PTPRD: variants seen among roughly 807,000 people sequenced by gnomAD.
The protein encoded by PTPRD is protein tyrosine phosphatase receptor type D.
A neutral mutation model predicts 214.5 loss-of-function variants in PTPRD; 34 were observed. The ratio of observed to expected loss-of-function variants is 0.16; its 90% CI spans 0.12 to 0.21. The LOEUF (loss-of-function observed/expected upper bound fraction) is 0.21, where lower values mean the gene tolerates loss of function less well. Ranked by LOEUF, PTPRD falls within the 10% of genes least tolerant of loss-of-function variation. PTPRD has a pLI of 1.00. For missense variants in PTPRD, 2,545 were observed against 2,398.7 expected (o/e 1.06, Z -1.27); for synonymous variants, 1,128 against 845.7 (o/e 1.33, Z -5.79).
intron 8 of PTPRD, among the ~76,000 whole-genome samples, chr9:9,447,201 A>G (rs1190333746): frequency 6.6e-6 from 1 of 152,176 alleles, no homozygotes; most frequent in Admixed American, 6.5e-5. Flanking sequence ...TTCTATCATA[A>G]TGACACATGC....
chr9:10,563,167 G>A (rs1411485431), intron 2 of PTPRD, among the ~76,000 whole-genome samples: 1 of 152,120 alleles, frequency 6.6e-6, no homozygotes, highest in Non-Finnish European at 1.5e-5. Context: ...CAGCATTCCT[G>A]ACTGTCAGCA....
intron 8 of PTPRD, among the ~76,000 whole-genome samples, chr9:9,420,270 T>C (rs2078294550): frequency 6.6e-6 from 1 of 151,842 alleles, no homozygotes; most frequent in Admixed American, 6.6e-5. Flanking sequence ...ACTATTTTAG[T>C]TTTCACAAGA....
At chr9:9,728,806 A>G (rs556153763) in intron 7 of PTPRD, among the ~76,000 whole-genome samples, 1 of 152,274 alleles carries the variant, frequency 6.6e-6, no homozygotes, top group East Asian at 1.9e-4. Context: ...AAAGTAGACC[A>G]TTTTGAGTGT....
chr9:9,414,139 T>C (rs1202332723), intron 8 of PTPRD, among the ~76,000 whole-genome samples: 1 of 152,244 alleles, frequency 6.6e-6, no homozygotes, highest in African/African-American at 2.4e-5. Flanking sequence ...TCTTCAATTA[T>C]CTTTTTCACA....
intron 10 of PTPRD, among the ~76,000 whole-genome samples, chr9:9,167,026 T>C (rs767563148): frequency 1.5e-4 from 22 of 150,976 alleles, no homozygotes; most frequent in Non-Finnish European, 1.9e-4. Context: ...CTTAATCATT[T>C]CAACTCAGTG....
At chr9:10,112,087 T>C (rs769149090) in intron 3 of PTPRD, among the ~76,000 whole-genome samples, 1 of 152,212 alleles carries the variant, frequency 6.6e-6, no homozygotes, top group Non-Finnish European at 1.5e-5. Flanking sequence ...TCCAGGTACC[T>C]GAAGGGAAGA....
intron 10 of PTPRD, among the ~76,000 whole-genome samples, chr9:9,182,012 G>A (rs2099928492): frequency 6.6e-6 from 1 of 151,972 alleles, no homozygotes; most frequent in Non-Finnish European, 1.5e-5. Flanking sequence ...CAAGAATGAA[G>A]ACACAGAGGA....
intron 4 of PTPRD, among the ~76,000 whole-genome samples, chr9:9,995,718 A>G (rs756070513): frequency 6.6e-6 from 1 of 152,036 alleles, no homozygotes; most frequent in East Asian, 1.9e-4. Flanking sequence ...CTATTACCCA[A>G]TTACAGTGTA....
intron 23 of PTPRD, among the ~76,000 whole-genome samples, chr9:8,502,576 G>C (rs1302849635): frequency 1.3e-5 from 2 of 151,996 alleles, no homozygotes; most frequent in South Asian, 2.1e-4. Context: ...CATTTTTATT[G>C]ATTCTGACTA....
chr9:9,369,033 T>C (rs554807549), intron 9 of PTPRD, among the ~76,000 whole-genome samples: 5 of 152,208 alleles, frequency 3.3e-5, no homozygotes, highest in South Asian at 4.1e-4. Context: ...GTCCTTGCGA[T>C]AGTTTGCTGA....
At chr9:9,620,357 G>A (rs2095170399) in intron 7 of PTPRD, among the ~76,000 whole-genome samples, 2 of 151,632 alleles carry the variant, frequency 1.3e-5, no homozygotes, top group African/African-American at 2.4e-5. Context: ...ACTTTTCAAT[G>A]CTAGGCCGGT....
intron 10 of PTPRD, among the ~76,000 whole-genome samples, chr9:9,141,628 C>T (rs2028782): frequency 0.34 from 50,663 of 151,138 alleles, 9,127 homozygotes; most frequent in Non-Finnish European, 0.4. Flanking sequence ...CAGTGCACAT[C>T]ATGAAGAATG....
chr9:9,636,239 A>G (rs2095762314), intron 7 of PTPRD, among the ~76,000 whole-genome samples: 1 of 152,180 alleles, frequency 6.6e-6, no homozygotes, highest in Admixed American at 6.5e-5. Context: ...GTCTTTCCCG[A>G]CACTGTATTT....
intron 3 of PTPRD, among the ~76,000 whole-genome samples, chr9:10,092,926 C>T (rs1024233437): frequency 4.0e-5 from 6 of 151,584 alleles, no homozygotes; most frequent in African/African-American, 1.4e-4. Flanking sequence ...TGGACTCCTG[C>T]CTTTTACCAT....
At chr9:9,081,704 G>A (rs2099759272) in intron 10 of PTPRD, among the ~76,000 whole-genome samples, 1 of 152,002 alleles carries the variant, frequency 6.6e-6, no homozygotes, top group African/African-American at 2.4e-5. Flanking sequence ...ATATATTTAG[G>A]AGAGTTAGCT....
intron 6 of PTPRD, among the ~76,000 whole-genome samples, chr9:9,754,748 A>T (rs535361032): frequency 3.9e-5 from 6 of 152,160 alleles, no homozygotes; most frequent in African/African-American, 1.2e-4. Flanking sequence ...AGTTTATGTA[A>T]AGTAGATTGT....
At chr9:9,706,654 G>T (rs184122634) in intron 7 of PTPRD, among the ~76,000 whole-genome samples, 2 of 152,012 alleles carry the variant, frequency 1.3e-5, no homozygotes, top group African/African-American at 4.8e-5. Context: ...TGGCCAACCT[G>T]GTCTCGAATT....
intron 28 of PTPRD, 122 bp downstream of exon 28, chr9:8,485,640 T>G: frequency 3.3e-6 from 3 of 902,368 alleles, no homozygotes; most frequent in Non-Finnish European, 4.9e-6. Flanking sequence ...ATACTTTACC[T>G]TTTTGTTTTT....
At chr9:8,513,156 A>G (rs2097715232) in intron 21 of PTPRD, among the ~76,000 whole-genome samples, 1 of 152,054 alleles carries the variant, frequency 6.6e-6, no homozygotes, top group Non-Finnish European at 1.5e-5. Context: ...AGATTGACCC[A>G]TATTTCAGAA....
Sources: allele counts gnomAD v4.1 joint callset (sites outside exome capture counted in the v4.1 genomes callset), GRCh38; gene constraint gnomAD v4.1.1; transcripts MANE v1.5; gene names NCBI Gene and HGNC (gene_info 2026-07-23, HGNC 2026-07-21).